ATG2B: variants seen among roughly 807,000 people sequenced by gnomAD.
ATG2B encodes the protein autophagy related 2B, also known as autophagy-related protein 2 homolog B.
A neutral mutation model predicts 241.3 loss-of-function variants in ATG2B; 121 were observed. The ratio of observed to expected loss-of-function variants is 0.50; its 90% CI spans 0.43 to 0.58. The LOEUF is 0.58. Among genes scored for constraint, ATG2B ranks in the 20% least tolerant of loss-of-function variants. The pLI, the probability that ATG2B is intolerant of heterozygous loss-of-function variation, is 0.00. For synonymous variants in ATG2B, 858 were observed against 876.6 expected (o/e 0.98, Z 0.37); for missense variants, 2,306 against 2,491.6 (o/e 0.93, Z 1.59).
At chr14:96,341,032 AAAT>A (rs1888021138) in intron 6 of ATG2B, among the ~76,000 whole-genome samples, 1 of 152,166 alleles carries the variant, frequency 6.6e-6, no homozygotes. Flanking sequence ...CTCTTTTCAC[AAAT>A]ATTATACAAC....
intron 7 of ATG2B, 114 bp from the exon 8 acceptor site, chr14:96,333,987 AAC>A: frequency 1.2e-6 from 1 of 838,350 alleles, no homozygotes; most frequent in African/African-American, 1.7e-5. Flanking sequence ...CACAGTGCAA[AAC>A]CACTGCTATT....
chr14:96,287,195 A>G (rs961044571), intron 41 of ATG2B, among the ~76,000 whole-genome samples: 2 of 145,924 alleles, frequency 1.4e-5, no homozygotes, highest in African/African-American at 5.0e-5. Context: ...CAGAGCTTGC[A>G]GAGAGCCGAG....
chr14:96,354,495 T>C (rs1888420610), intron 1 of ATG2B, among the ~76,000 whole-genome samples: 1 of 152,234 alleles, frequency 6.6e-6, no homozygotes, highest in Non-Finnish European at 1.5e-5. Context: ...ACTGTGTGTA[T>C]GTATACTTTC....
At chr14:96,333,646 TTATAA>T in intron 8 of ATG2B, 37 bp downstream of exon 8, 1 of 1,559,740 alleles carries the variant, frequency 6.4e-7, no homozygotes, top group Non-Finnish European at 8.7e-7. Context: ...TTATCTATGA[TTATAA>T]TATATGATTC....
intron 38 of ATG2B, 95 bp downstream of exon 38, chr14:96,291,505 A>G (rs960771689): frequency 2.5e-6 from 2 of 798,084 alleles, no homozygotes; most frequent in Non-Finnish European, 4.1e-6. Flanking sequence ...ATACTGTAAA[A>G]TTGTGTATGC....
intron 1 of ATG2B, among the ~76,000 whole-genome samples, chr14:96,361,200 A>C (rs186210256): frequency 1.3e-5 from 2 of 152,226 alleles, no homozygotes; most frequent in Non-Finnish European, 2.9e-5. Flanking sequence ...CAAACTATAA[A>C]ATTCAAATAT....
At position 96,328,901 on chromosome 14, in the gene ATG2B, G is replaced by A. The variant is rs1887656633; in HGVS notation, c.1882-135C>T. On this transcript the variant is annotated intron_variant, in intron 12 of 41. Transcript: ENST00000359933. ...TTCATTTTTGTCACTTACTAGCAAT[G>A]TGAACCTTAGACAAGTTAGTTAACT... 1.2e-5 allele frequency: 7 copies of A among 574,574 alleles called. No individual in the cohort carries two copies. In the South Asian group the frequency reaches 1.4e-4, roughly 11 times the overall value. The allele number at this position is 574,574 out of a possible 1,614,324, so 35.6% of individuals were successfully genotyped here.
chr14:96,362,407 A>G (rs1206869162), intron 1 of ATG2B, among the ~76,000 whole-genome samples: 1 of 152,190 alleles, frequency 6.6e-6, no homozygotes, highest in Non-Finnish European at 1.5e-5. Context: ...GGATTCTGAC[A>G]TCCAAAGGTC....
At position 96,320,886 on chromosome 14, in the gene ATG2B, C is replaced by T. The variant is rs190772560; in HGVS notation, c.2879+1226G>A. On this transcript the variant is annotated intron_variant, in intron 18 of 41. Transcript: ENST00000359933. ...GATCAGTCATTTTGAAACTGTAGAT[C>T]ATATATAAACAAACCCCAACATTTA... Among the ~76,000 whole-genome samples, 808 of 152,204 alleles carry T rather than the reference C, an allele frequency of 5.3e-3. 2 individuals carry two copies. The highest frequency in any genetic ancestry group is 8.5e-3 in the Non-Finnish European group (577 of 68,016).
intron 38 of ATG2B, 106 bp from the exon 39 acceptor site, chr14:96,291,041 G>C: frequency 2.1e-6 from 2 of 955,474 alleles, no homozygotes; most frequent in South Asian, 1.9e-5. Context: ...AATTATAAGG[G>C]CAAATATTAC....
Position 96,350,219 on chromosome 14 carries a change from T to G in ATG2B, c.163-2878A>C, listed in dbSNP as rs557157888. Among the ~76,000 whole-genome samples, 145 of 152,214 alleles carry G rather than the reference T, an allele frequency of 9.5e-4. 1 individual carries two copies. The highest frequency in any genetic ancestry group is 3.3e-3 in the African/African-American group (137 of 41,542). ...GCCACAGCACGAGGAGAGAAATGTT[T>G]GGGAACTTATACAGTGTAAAATGAG... On this transcript the variant is annotated intron_variant, in intron 1 of 41. Coordinates refer to ENST00000359933, the MANE Select transcript of ATG2B (RefSeq NM_018036.7).
intron 19 of ATG2B, 92 bp downstream of exon 19, chr14:96,317,606 A>G: frequency 8.8e-7 from 1 of 1,137,012 alleles, no homozygotes; most frequent in Non-Finnish European, 1.2e-6. Context: ...ACAATGAAAC[A>G]TAAAGATTTT....
In ATG2B at chr14:96,309,442, C is replaced by G. The variant is rs373987676; in HGVS notation, c.4303+11G>C. On this transcript the variant is annotated intron_variant, in intron 29 of 41. Transcript: ENST00000359933. ...AACATCAGTGCTCCCTGAGAAGAGTCCTGGTCTTACCATTAGCCTGTGGTT... is the reference window on the plus strand; with the variant it reads ...AACATCAGTGCTCCCTGAGAAGAGTGCTGGTCTTACCATTAGCCTGTGGTT... 6.2e-7 allele frequency: 1 copy of G among 1,612,362 alleles called. No individual in the cohort carries two copies. Among genetic ancestry groups the G allele is most frequent in the Admixed American group, 1.7e-5 (1 of 59,676 alleles).
chr14:96,322,542 G>A lies in ATG2B; in HGVS notation c.2734C>T (p.Gln912Ter). The change falls in exon 17 of 42, where the codon CAG (glutamine) becomes TAG (stop). Residue 912 changes from glutamine to a stop codon, truncating the protein, a stop_gained and splice_region_variant. Coordinates refer to ENST00000359933, the MANE Select transcript of ATG2B (RefSeq NM_018036.7). LOFTEE classifies it high-confidence loss of function. ...TTGTAGCTTGCTCACACTTTTACCT[G>A]TTCATTTTCAAACATTACTCTACGA... ...SSRRVMFENEQMVMPGDPVEM... is the reference protein window; with the variant it reads ...SSRRVMFENE The A allele has an allele frequency of 6.2e-7, 1 of 1,609,974 alleles. No individual in the cohort carries two copies. The highest frequency in any genetic ancestry group is 8.5e-7 in the Non-Finnish European group (1 of 1,178,720).
chr14:96,347,443 G>C, intron 1 of ATG2B, 102 bp from the exon 2 acceptor site: 5 of 848,722 alleles, frequency 5.9e-6, no homozygotes, highest in Non-Finnish European at 8.5e-6. Context: ...TTAGGCACTA[G>C]GTATAAAGAA....
intron 6 of ATG2B, among the ~76,000 whole-genome samples, chr14:96,339,413 C>CGT (rs1887953095): frequency 1.3e-5 from 2 of 150,514 alleles, no homozygotes; most frequent in South Asian, 4.2e-4. Flanking sequence ...GTATGTGGTG[C>CGT]GTGTATATAT....
At chr14:96,286,943 T>TA (rs1328420550) in intron 41 of ATG2B, among the ~76,000 whole-genome samples, 1 of 151,950 alleles carries the variant, frequency 6.6e-6, no homozygotes, top group East Asian at 1.9e-4. Context: ...AAAAACGTAA[T>TA]ACCACAGAGC....
In ATG2B at chr14:96,289,512, TA is replaced by T; in HGVS notation, c.6006+143del. ...GCCCTTTTCCATCACCTCACACAGA[TA>T]TGGGCACATGTTATTAGTGGCAGTT... is the stretch of plus-strand genomic sequence containing the variant. On this transcript the variant is annotated intron_variant, in intron 41 of 41. Coordinates refer to ENST00000359933, the MANE Select transcript of ATG2B (RefSeq NM_018036.7). This position sits in a 1 kb window ranked among gnomAD's most constrained non-coding sequence, Gnocchi z 4.3. 1.0e-6 allele frequency: 1 copy of T among 960,524 alleles called. No homozygotes were observed. Among genetic ancestry groups the T allele is most frequent in the South Asian group, 1.6e-5 (1 of 61,984 alleles). The allele number at this position is 960,524 out of a possible 1,614,324, so 59.5% of individuals were successfully genotyped here.
rs201837339 is a variant in ATG2B, at chr14:96,302,135, T to G, written c.5038-27A>C. On this transcript the variant is annotated intron_variant, in intron 33 of 41. Transcript: ENST00000359933. ...TACAAGGCAAGAAAGAGAATAACAT[T>G]TTTCCCCAATAATATGATGACCTTC... 1.3e-4 allele frequency: 180 copies of G among 1,432,692 alleles called. No homozygotes were observed. In the African/African-American group the frequency reaches 2.3e-3, roughly 18 times the overall value. The allele number at this position is 1,432,692 out of a possible 1,614,324, so 88.7% of individuals were successfully genotyped here.
Sources: allele counts gnomAD v4.1 joint callset (sites outside exome capture counted in the v4.1 genomes callset), GRCh38; gene constraint gnomAD v4.1.1; non-coding constraint Gnocchi (gnomAD v3.1); transcripts MANE v1.5; gene names NCBI Gene and HGNC (gene_info 2026-07-23, HGNC 2026-07-21).